The following NARS2 variants were observed in gnomAD, a reference collection of about 807,000 sequenced individuals.
The protein encoded by NARS2 is asparaginyl-tRNA synthetase 2, mitochondrial.
A neutral mutation model predicts 62.9 loss-of-function variants in NARS2; 60 were observed. The ratio of observed to expected loss-of-function variants is 0.95; its 90% CI spans 0.77 to 1.18. The LOEUF is 1.18. Among genes scored for constraint, NARS2 ranks in the 50% most tolerant of loss-of-function variants. The pLI, the probability that NARS2 is intolerant of heterozygous loss-of-function variation, is 0.00. For missense variants in NARS2, 619 were observed against 576.4 expected (o/e 1.07, Z -0.76); for synonymous variants, 196 against 200.0 (o/e 0.98, Z 0.17).
rs1856654330 is a variant in NARS2, at chr11:78,563,921, A to G, written c.513+2211T>C. The stretch of plus-strand genomic sequence containing the variant: ...ATTATTATTATTATTATTATTATTG[A>G]GATGGAATCTCGCTCTGTTGCCCAG... On this transcript the variant is annotated intron_variant, in intron 4 of 13. Coordinates refer to ENST00000281038, the MANE Select transcript of NARS2 (RefSeq NM_024678.6). 2.7e-5 allele frequency among the ~76,000 whole-genome samples: 3 copies of G among 110,994 alleles called. No individual in the cohort carries two copies. In the Admixed American group the frequency reaches 2.7e-4, roughly 10 times the overall value. The allele number at this position is 110,994 out of a possible 152,430, so 72.8% of individuals were successfully genotyped here. A position where few individuals can be genotyped will look rare whatever the true frequency, so the allele number is the denominator to read the frequency against.
intron 2 of NARS2, among the ~76,000 whole-genome samples, chr11:78,570,385 T>C (rs1371364186): frequency 6.6e-6 from 1 of 152,136 alleles, no homozygotes; most frequent in Non-Finnish European, 1.5e-5. Context: ...AAAATGGTGT[T>C]AGTTTTTGGT....
intron 9 of NARS2, among the ~76,000 whole-genome samples, chr11:78,470,458 T>C (rs1030867310): frequency 6.6e-6 from 1 of 152,088 alleles, no homozygotes; most frequent in Non-Finnish European, 1.5e-5. Flanking sequence ...ATAATGTAAA[T>C]AATACACAAT....
rs113569927 is a variant in NARS2, at chr11:78,547,740, T to C, written c.594+11799A>G. ...CATCATTATGTTATTTATGAACGTA[T>C]GACTAGACTAGTCTTAAGGCTGAAA... On this transcript the variant is annotated intron_variant, in intron 5 of 13. Transcript: ENST00000281038. 2.4e-3 allele frequency among the ~76,000 whole-genome samples: 368 copies of C among 152,346 alleles called. 1 individual carries two copies. Among genetic ancestry groups the C allele is most frequent in the African/African-American group, 8.2e-3 (340 of 41,582 alleles).
chr11:78,566,273 C>A lies in NARS2; in HGVS notation c.373-1G>T. Reference sequence around the variant, plus strand: ...TCTCTTTATATTTGATGGGGAAATCCTGCCAATAAATGAAAAGAACAAATT... The same window carrying A: ...TCTCTTTATATTTGATGGGGAAATCATGCCAATAAATGAAAAGAACAAATT... On this transcript the variant is annotated splice_acceptor_variant, in intron 3 of 13. Coordinates refer to ENST00000281038, the MANE Select transcript of NARS2 (RefSeq NM_024678.6). LOFTEE classifies it high-confidence loss of function. The A allele has an allele frequency of 6.4e-7, 1 of 1,573,034 alleles. No individual in the cohort carries two copies. Among genetic ancestry groups the A allele is most frequent in the South Asian group, 1.2e-5 (1 of 84,624 alleles).
chr11:78,465,388 G>A (rs1405655266), intron 11 of NARS2, among the ~76,000 whole-genome samples: 2 of 152,258 alleles, frequency 1.3e-5, no homozygotes, highest in Admixed American at 6.5e-5. Context: ...CTCAAGTGCC[G>A]CCAAAGTGGG....
chr11:78,539,649 G>C (rs1324046082), intron 5 of NARS2, among the ~76,000 whole-genome samples: 1 of 152,202 alleles, frequency 6.6e-6, no homozygotes, highest in East Asian at 1.9e-4. Flanking sequence ...GGTACATAAA[G>C]CCTTGGAAGT....
Position 78,437,968 on chromosome 11 carries a change from C to A in NARS2, c.1290-1154G>T, listed in dbSNP as rs541188051. On this transcript the variant is annotated intron_variant, in intron 13 of 13. Coordinates refer to ENST00000281038, the MANE Select transcript of NARS2 (RefSeq NM_024678.6). ...CCAGCCTGGGTGACAGAGTGAGATTCTGTATCAAAAAAAAAAAAAAGAAAG... is the reference window on the plus strand; with the variant it reads ...CCAGCCTGGGTGACAGAGTGAGATTATGTATCAAAAAAAAAAAAAAGAAAG... Among the ~76,000 whole-genome samples the A allele has an allele frequency of 9.1e-5, 8 of 88,380 alleles. No homozygotes were observed. The East Asian group carries it at 2.4e-3, about 26-fold the overall frequency. The allele number at this position is 88,380 out of a possible 152,430, so 58.0% of individuals were successfully genotyped here.
intron 6 of NARS2, among the ~76,000 whole-genome samples, chr11:78,504,678 A>G (rs970762220): frequency 5.3e-5 from 8 of 152,132 alleles, no homozygotes; most frequent in Non-Finnish European, 1.2e-4. Context: ...ACACATACAC[A>G]TATTATTTTT....
At chr11:78,469,345 G>A in intron 9 of NARS2, 32 bp from the exon 10 acceptor site, 1 of 1,543,464 alleles carries the variant, frequency 6.5e-7, no homozygotes. Context: ...GCAGAGAAAA[G>A]TCAATACAAT....
chr11:78,475,815 G>A (rs2135253652), intron 9 of NARS2, among the ~76,000 whole-genome samples: 1 of 151,960 alleles, frequency 6.6e-6, no homozygotes, highest in Middle Eastern at 3.4e-3. Flanking sequence ...TGGCCAGGGT[G>A]GTCCTGAACT....
chr11:78,463,252 G>T (rs181157712), intron 11 of NARS2, among the ~76,000 whole-genome samples: 3 of 152,044 alleles, frequency 2.0e-5, no homozygotes, highest in African/African-American at 7.2e-5. Flanking sequence ...TTGAGATAGG[G>T]TCTTCCTATG....
intron 5 of NARS2, among the ~76,000 whole-genome samples, chr11:78,530,952 A>T (rs563439167): frequency 3.3e-5 from 5 of 152,182 alleles, no homozygotes; most frequent in African/African-American, 1.2e-4. Context: ...TTTATATTAC[A>T]ATTAAAGTAT....
At chr11:78,529,191 T>C (rs533615387) in intron 5 of NARS2, among the ~76,000 whole-genome samples, 1 of 152,244 alleles carries the variant, frequency 6.6e-6, no homozygotes, top group East Asian at 1.9e-4. Context: ...TGTCACAAAA[T>C]ATACTTCCCC....
At position 78,556,579 on chromosome 11, in the gene NARS2, T is replaced by C. The variant is rs146025868; in HGVS notation, c.594+2960A>G. 1.6e-3 allele frequency among the ~76,000 whole-genome samples: 240 copies of C among 152,376 alleles called. 2 individuals are homozygous for C. The highest frequency in any genetic ancestry group is 5.5e-3 in the African/African-American group (228 of 41,596). On this transcript the variant is annotated intron_variant, in intron 5 of 13. Coordinates refer to ENST00000281038, the MANE Select transcript of NARS2 (RefSeq NM_024678.6). Reference sequence around the variant, plus strand: ...AACTTTGTAAAGATCAATTGCTTTTTGATTTTTGTTTCTGCTTTCCTCAGC... The same window carrying C: ...AACTTTGTAAAGATCAATTGCTTTTCGATTTTTGTTTCTGCTTTCCTCAGC...
chr11:78,457,298 T>A (rs1373297944), intron 11 of NARS2, among the ~76,000 whole-genome samples: 1 of 152,072 alleles, frequency 6.6e-6, no homozygotes. Flanking sequence ...TCCTTCTCTT[T>A]TGGTTCCCTA....
At chr11:78,472,373 T>C (rs745629664) in intron 9 of NARS2, among the ~76,000 whole-genome samples, 2 of 152,218 alleles carry the variant, frequency 1.3e-5, no homozygotes, top group African/African-American at 2.4e-5. Flanking sequence ...TTCATTATTC[T>C]GAAGCTGTTA....
At chr11:78,572,189 CAAAAA>C (rs1856953304) in intron 1 of NARS2, among the ~76,000 whole-genome samples, 1 of 151,916 alleles carries the variant, frequency 6.6e-6, no homozygotes, top group African/African-American at 2.4e-5. Context: ...CTCAAAAAAA[CAAAAA>C]AACACAAAAA....
intron 11 of NARS2, among the ~76,000 whole-genome samples, chr11:78,451,264 TCA>T (rs1857960895): frequency 6.6e-6 from 1 of 152,220 alleles, no homozygotes; most frequent in South Asian, 2.1e-4. Context: ...CCTCAAATTT[TCA>T]CACTCTTTAG....
At chr11:78,535,359 A>T (rs1022717768) in intron 5 of NARS2, among the ~76,000 whole-genome samples, 3 of 152,254 alleles carry the variant, frequency 2.0e-5, no homozygotes, top group Non-Finnish European at 4.4e-5. Context: ...CCTTGAGAGA[A>T]ATGGTACAAT....
Sources: gnomAD v4.1 joint callset for allele counts (sites outside exome capture counted in the v4.1 genomes callset) on GRCh38, gnomAD v4.1.1 for gene constraint, MANE v1.5 for transcripts, NCBI Gene and HGNC (gene_info 2026-07-23, HGNC 2026-07-21) for gene names.